Variants in NRP1 observed in about 807,000 individuals in gnomAD.
The protein encoded by NRP1 is neuropilin 1, also known as neuropilin-1.
In NRP1, 35 loss-of-function variants were observed where a neutral mutation model predicts 106.7. That is an observed-to-expected ratio of 0.33 (90% CI 0.25 to 0.43). The LOEUF is 0.43. Among genes scored for constraint, NRP1 ranks in the 20% least tolerant of loss-of-function variants. The pLI is 1.00. For synonymous variants in NRP1, 437 were observed against 417.9 expected (o/e 1.05, Z -0.56); for missense variants, 1,024 against 1,170.4 (o/e 0.87, Z 1.83).
intron 6 of NRP1, among the ~76,000 whole-genome samples, chr10:33,236,408 G>A (rs1166485853): frequency 6.6e-6 from 1 of 152,202 alleles, no homozygotes; most frequent in Non-Finnish European, 1.5e-5. Context: ...CTACATAGAG[G>A]GCATGGGTGG....
chr10:33,186,620 A>G, intron 13 of NRP1, 132 bp from the exon 14 acceptor site: 11 of 1,060,954 alleles, frequency 1.0e-5, no homozygotes, highest in Non-Finnish European at 1.5e-5. Flanking sequence ...GTGGAAAGGG[A>G]TAAGTGTGCA....
intron 2 of NRP1, among the ~76,000 whole-genome samples, chr10:33,303,347 G>A (rs902911812): frequency 2.6e-5 from 4 of 152,132 alleles, no homozygotes; most frequent in Non-Finnish European, 5.9e-5. Context: ...AGATTTCTCT[G>A]CACCACTCAG....
intron 2 of NRP1, among the ~76,000 whole-genome samples, chr10:33,320,574 T>C (rs1588990322): frequency 6.6e-6 from 1 of 152,170 alleles, no homozygotes; most frequent in African/African-American, 2.4e-5. Flanking sequence ...TCAGCAGTTA[T>C]TGAAATTGCC....
chr10:33,332,211 A>C (rs1848331550), intron 1 of NRP1, among the ~76,000 whole-genome samples: 1 of 152,200 alleles, frequency 6.6e-6, no homozygotes, highest in Non-Finnish European at 1.5e-5. Flanking sequence ...TTTGTTCCTT[A>C]GACTGGGGGT....
chr10:33,207,509 C>T (rs763449771), intron 10 of NRP1, 63 bp downstream of exon 10: 26 of 1,583,954 alleles, frequency 1.6e-5, no homozygotes, highest in Non-Finnish European at 2.2e-5. Flanking sequence ...CCATCAGGGG[C>T]ATAAATGCAT....
chr10:33,291,832 T>C (rs1845014879), intron 2 of NRP1, among the ~76,000 whole-genome samples: 1 of 152,192 alleles, frequency 6.6e-6, no homozygotes, highest in African/African-American at 2.4e-5. Flanking sequence ...TATTTTCAAA[T>C]ATGGAAGCTA....
At position 33,177,773 on chromosome 10, in the gene NRP1, T is replaced by C. The variant is rs767002183; in HGVS notation, c.*2303A>G. The C allele has an allele frequency of 2.0e-4, 31 of 152,616 alleles. No homozygotes were observed. Among genetic ancestry groups the C allele is most frequent in the Non-Finnish European group, 3.7e-4 (25 of 68,030 alleles). The allele number at this position is 152,616 out of a possible 1,614,324, so 9.5% of individuals were successfully genotyped here. On this transcript the variant is annotated 3_prime_UTR_variant, in exon 17 of 17. Coordinates refer to ENST00000374867, the MANE Select transcript of NRP1 (RefSeq NM_003873.7). ...ATAATATACCAGTAAAATGAAAACATTTTACTACAGAAAGTTTTATAGATT... is the reference window on the plus strand; with the variant it reads ...ATAATATACCAGTAAAATGAAAACACTTTACTACAGAAAGTTTTATAGATT...
intron 6 of NRP1, among the ~76,000 whole-genome samples, chr10:33,229,578 AAAC>A (rs1301335363): frequency 1.3e-5 from 2 of 152,154 alleles, no homozygotes; most frequent in Admixed American, 1.3e-4. Flanking sequence ...GGCTGATTTG[AAAC>A]AACCCTAGAA....
intron 2 of NRP1, among the ~76,000 whole-genome samples, chr10:33,293,132 A>G (rs1238971421): frequency 6.6e-6 from 1 of 152,256 alleles, no homozygotes; most frequent in African/African-American, 2.4e-5. Flanking sequence ...GAATACTAAA[A>G]TAATAAAATC....
chr10:33,195,380 T>C (rs183047385), intron 12 of NRP1: 1 of 383,546 alleles, frequency 2.6e-6, no homozygotes, highest in East Asian at 7.2e-5. Flanking sequence ...TGGCAGAGCA[T>C]TAACCAGCTT....
At chr10:33,254,244 A>G in intron 5 of NRP1, 50 bp from the exon 6 acceptor site, 1 of 1,513,024 alleles carries the variant, frequency 6.6e-7, no homozygotes, top group Non-Finnish European at 8.9e-7. Context: ...GGGATTTAAG[A>G]TGCATTTTTC....
chr10:33,283,277 T>C (rs869637), intron 2 of NRP1, among the ~76,000 whole-genome samples: 129,934 of 152,200 alleles, frequency 0.85, 56,133 homozygotes, highest in East Asian at 0.97. Context: ...TTATTGAAAG[T>C]AGCATACTGT....
intron 9 of NRP1, 57 bp downstream of exon 9, chr10:33,213,329 C>T: frequency 6.2e-7 from 1 of 1,614,194 alleles, no homozygotes; most frequent in Non-Finnish European, 8.5e-7. Context: ...ATGCCAGAGG[C>T]CCTTGATTGA....
At chr10:33,331,031 T>G (rs764234117) in intron 1 of NRP1, 149 bp from the exon 2 acceptor site, 1 of 614,656 alleles carries the variant, frequency 1.6e-6, no homozygotes, top group Non-Finnish European at 2.7e-6. Context: ...TGGCTCTGAG[T>G]GCAACACTCC....
At chr10:33,252,430 C>A (rs548527147) in intron 6 of NRP1, among the ~76,000 whole-genome samples, 19 of 152,150 alleles carry the variant, frequency 1.2e-4, no homozygotes, top group Non-Finnish European at 2.5e-4. Context: ...ACCTGTAACA[C>A]GCGCCCACTG....
intron 2 of NRP1, among the ~76,000 whole-genome samples, chr10:33,308,076 G>A (rs569576150): frequency 2.6e-5 from 4 of 152,136 alleles, no homozygotes; most frequent in African/African-American, 7.2e-5. Flanking sequence ...GAACATGGAC[G>A]CAGCTGGAGG....
At chr10:33,332,629 A>G (rs997044149) in intron 1 of NRP1, among the ~76,000 whole-genome samples, 2 of 152,208 alleles carry the variant, frequency 1.3e-5, no homozygotes, top group African/African-American at 2.4e-5. Flanking sequence ...CAATCTCTCT[A>G]GCAGTTGATT....
At chr10:33,298,631 T>A (rs1022080240) in intron 2 of NRP1, among the ~76,000 whole-genome samples, 1 of 152,140 alleles carries the variant, frequency 6.6e-6, no homozygotes, top group African/African-American at 2.4e-5. Context: ...TGGCTGCATG[T>A]TGGTTTTGGC....
Position 33,186,372 on chromosome 10 carries a change from G to A in NRP1, c.2179C>T (p.His727Tyr), listed in dbSNP as rs1365277992. Reference protein sequence around the residue: ...NSAHCMTFWYHMSGSHVGTLR... With the variant: ...NSAHCMTFWYYMSGSHVGTLR... ...GTGCCGACGTGGGACCCAGACATGT[G>A]ATACCAGAAGGTCATGCAGTGGGCA... Residue 727 changes from histidine (H) to tyrosine (Y), a missense_variant, in exon 14 of 17, where the codon CAC becomes TAC. Transcript: ENST00000374867. The A allele has an allele frequency of 2.5e-6, 4 of 1,614,136 alleles. No individual in the cohort carries two copies. The highest frequency in any genetic ancestry group is 3.4e-6 in the Non-Finnish European group (4 of 1,180,028).
Sources: gnomAD v4.1 joint callset for allele counts (sites outside exome capture counted in the v4.1 genomes callset) on GRCh38, gnomAD v4.1.1 for gene constraint, MANE v1.5 for transcripts, NCBI Gene and HGNC (gene_info 2026-07-23, HGNC 2026-07-21) for gene names.